Variants in FNIP1 observed in about 807,000 individuals in gnomAD.
FNIP1 encodes folliculin interacting protein 1.
In FNIP1, 40 loss-of-function variants were observed where a neutral mutation model predicts 124.5. The observed-to-expected ratio is 0.32, with a 90% confidence interval of 0.25 to 0.42. The LOEUF is 0.42. FNIP1 is among the 10% of genes least tolerant of loss of function. The pLI is 1.00. For missense variants in FNIP1, 1,176 were observed against 1,403.7 expected (o/e 0.84, Z 2.59); for synonymous variants, 472 against 470.6 (o/e 1.00, Z -0.04).
chr5:131,673,050 TG>T (rs1345178932), intron 13 of FNIP1, 126 bp from the exon 14 acceptor site: 17 of 689,840 alleles, frequency 2.5e-5, no homozygotes, highest in South Asian at 1.8e-4. Context: ...CTCGTTTTTT[TG>T]TTTTTTTTTT....
At chr5:131,661,654 G>C (rs991082989) in intron 15 of FNIP1, among the ~76,000 whole-genome samples, 31 of 152,148 alleles carry the variant, frequency 2.0e-4, no homozygotes, top group African/African-American at 6.3e-4. Context: ...AAGTTGAGAG[G>C]TTTTTGCCTA....
At position 131,642,001 on chromosome 5, in the gene FNIP1, T is replaced by G. The variant is rs1444653112; in HGVS notation, c.*2684A>C. On this transcript the variant is annotated 3_prime_UTR_variant, in exon 18 of 18. Transcript: ENST00000510461. Reference sequence around the variant, plus strand: ...CACTTAACATTTTCAAACTCAAAATTAAGACATATTAATAAAAGCCAGAAA... The same window carrying G: ...CACTTAACATTTTCAAACTCAAAATGAAGACATATTAATAAAAGCCAGAAA... 1 of 152,688 alleles carries G rather than the reference T, an allele frequency of 6.5e-6. No individual in the cohort carries two copies. Among genetic ancestry groups the G allele is most frequent in the Non-Finnish European group, 1.5e-5 (1 of 68,020 alleles). The allele number at this position is 152,688 out of a possible 1,614,324, so 9.5% of individuals were successfully genotyped here. A position where few individuals can be genotyped will look rare whatever the true frequency, so the allele number is the denominator to read the frequency against.
intron 1 of FNIP1, among the ~76,000 whole-genome samples, chr5:131,776,026 C>A (rs1473069932): frequency 6.6e-6 from 1 of 152,158 alleles, no homozygotes; most frequent in Non-Finnish European, 1.5e-5. Flanking sequence ...GACTTCAGCA[C>A]AATGCAAAAT....
At chr5:131,649,601 T>C (rs779061381) in intron 16 of FNIP1, among the ~76,000 whole-genome samples, 2 of 152,180 alleles carry the variant, frequency 1.3e-5, no homozygotes, top group Non-Finnish European at 2.9e-5. Context: ...ATTTTATAGG[T>C]TGTCTTTTCA....
intron 3 of FNIP1, 29 bp from the exon 4 acceptor site, chr5:131,719,446 G>T: frequency 6.5e-7 from 1 of 1,534,888 alleles, no homozygotes; most frequent in Non-Finnish European, 8.8e-7. Context: ...TTAACAAACT[G>T]TGTTAATTAA....
intron 15 of FNIP1, among the ~76,000 whole-genome samples, chr5:131,657,753 A>C (rs1767247052): frequency 6.7e-6 from 1 of 150,118 alleles, no homozygotes; most frequent in Non-Finnish European, 1.5e-5. Flanking sequence ...AAAAAAAAAA[A>C]AAAAACGGTG....
chr5:131,677,522 T>C (rs907525379), intron 13 of FNIP1, 181 bp downstream of exon 13: 3 of 528,260 alleles, frequency 5.7e-6, no homozygotes, highest in African/African-American at 5.7e-5. Flanking sequence ...CTATAAGGAA[T>C]GATTTCAGGT....
chr5:131,777,364 G>A (rs1055371808), intron 1 of FNIP1, among the ~76,000 whole-genome samples: 6 of 151,708 alleles, frequency 4.0e-5, no homozygotes, highest in Non-Finnish European at 8.8e-5. Flanking sequence ...AATACAGTGT[G>A]ATACTAAATG....
chr5:131,658,907 C>CAAGAAAAAAA (rs1424830867), intron 15 of FNIP1, among the ~76,000 whole-genome samples: 1 of 41,182 alleles, frequency 2.4e-5, no homozygotes, highest in African/African-American at 1.0e-4. Flanking sequence ...TGGGTCTAGC[C>CAAGAAAAAAA]AAAAAAAAAA....
intron 1 of FNIP1, among the ~76,000 whole-genome samples, chr5:131,758,985 G>T (rs950732676): frequency 6.6e-6 from 1 of 152,056 alleles, no homozygotes; most frequent in Non-Finnish European, 1.5e-5. Flanking sequence ...AAATTTCATG[G>T]AGGGGGAATG....
chr5:131,646,688 T>C lies in FNIP1; in HGVS notation c.3422+402A>G, dbSNP rs78386781. Among the ~76,000 whole-genome samples the C allele has an allele frequency of 8.9e-3, 1,354 of 152,166 alleles. 24 individuals are homozygous for C. Among genetic ancestry groups the C allele is most frequent in the African/African-American group, 0.031 (1,286 of 41,504 alleles). On this transcript the variant is annotated intron_variant, in intron 17 of 17. Coordinates refer to ENST00000510461, the MANE Select transcript of FNIP1 (RefSeq NM_133372.3). ...GTAGACAGATATAATATATAGTTAATGGGGGGGAAGGAGTAATATATGGAT... is the reference window on the plus strand; with the variant it reads ...GTAGACAGATATAATATATAGTTAACGGGGGGGAAGGAGTAATATATGGAT...
chr5:131,718,932 C>A, intron 5 of FNIP1, 54 bp downstream of exon 5: 1 of 1,473,568 alleles, frequency 6.8e-7, no homozygotes, highest in South Asian at 1.2e-5. Flanking sequence ...GGTTAGTTTT[C>A]ATACTTTGCA....
At chr5:131,681,043 A>G (rs1478497397) in intron 11 of FNIP1, among the ~76,000 whole-genome samples, 1 of 152,180 alleles carries the variant, frequency 6.6e-6, no homozygotes, top group African/African-American at 2.4e-5. Context: ...ACTAATTCAA[A>G]GTCCATAAAT....
At chr5:131,752,327 G>C (rs1770901116) in intron 1 of FNIP1, among the ~76,000 whole-genome samples, 1 of 152,092 alleles carries the variant, frequency 6.6e-6, no homozygotes, top group African/African-American at 2.4e-5. Context: ...ACAGGTGTGA[G>C]CCACCGCGCC....
intron 11 of FNIP1, among the ~76,000 whole-genome samples, chr5:131,683,869 A>G (rs1286031653): frequency 6.6e-6 from 1 of 152,154 alleles, no homozygotes; most frequent in Non-Finnish European, 1.5e-5. Context: ...ACAGGTTCCT[A>G]TGAGCCTCTG....
chr5:131,661,220 TTGTGTGTGTG>T (rs370206265), intron 15 of FNIP1, among the ~76,000 whole-genome samples: 1 of 147,636 alleles, frequency 6.8e-6, no homozygotes, highest in Admixed American at 6.7e-5. Flanking sequence ...TGTCTTTGTT[TTGTGTGTGTG>T]TGTGTGTGTG....
At chr5:131,669,402 A>G (rs1182310413) in intron 15 of FNIP1, among the ~76,000 whole-genome samples, 1 of 152,168 alleles carries the variant, frequency 6.6e-6, no homozygotes, top group Non-Finnish European at 1.5e-5. Flanking sequence ...ATTTCTCATG[A>G]ATATAGACTC....
At chr5:131,764,012 C>A (rs1278291732) in intron 1 of FNIP1, among the ~76,000 whole-genome samples, 3 of 152,070 alleles carry the variant, frequency 2.0e-5, no homozygotes, top group Non-Finnish European at 2.9e-5. Context: ...TTAGCACCAT[C>A]CCTTTGATGC....
chr5:131,769,843 A>G (rs77807001), intron 1 of FNIP1, among the ~76,000 whole-genome samples: 1 of 152,184 alleles, frequency 6.6e-6, no homozygotes, highest in East Asian at 1.9e-4. Flanking sequence ...CTCTTCTACT[A>G]TAAGTACATG....
Sources: gnomAD v4.1 joint callset for allele counts (sites outside exome capture counted in the v4.1 genomes callset) on GRCh38, gnomAD v4.1.1 for gene constraint, MANE v1.5 for transcripts, NCBI Gene and HGNC (gene_info 2026-07-23, HGNC 2026-07-21) for gene names.